LPIN1: variants seen among roughly 807,000 people sequenced by gnomAD.
The protein encoded by LPIN1 is phosphatidate phosphatase LPIN1.
In LPIN1, 71 loss-of-function variants were observed where a neutral mutation model predicts 107.5. The observed-to-expected ratio is 0.66, with a 90% CI of 0.55 to 0.80. The LOEUF (loss-of-function observed/expected upper bound fraction) is 0.80, where lower values mean the gene tolerates loss of function less well. Among genes scored for constraint, LPIN1 ranks in the 30% least tolerant of loss-of-function variants. LPIN1 has a pLI of 0.00. For missense variants in LPIN1, 1,043 were observed against 1,160.6 expected, an observed-to-expected ratio of 0.90 and a Z score of 1.47; for synonymous variants, 445 against 452.6, an observed-to-expected ratio of 0.98 and a Z score of 0.21.
At chr2:11,804,868 A>C (rs972840198) in intron 16 of LPIN1, among the ~76,000 whole-genome samples, 4 of 152,054 alleles carry the variant, frequency 2.6e-5, no homozygotes, top group African/African-American at 9.7e-5. Flanking sequence ...ACCTCGATGC[A>C]TGATCAGACT....
intron 2 of LPIN1, among the ~76,000 whole-genome samples, chr2:11,715,386 C>T (rs970809710): frequency 6.6e-6 from 1 of 152,176 alleles, no homozygotes; most frequent in Non-Finnish European, 1.5e-5. Flanking sequence ...GGACGGGAGG[C>T]GCCAAGCAGG....
rs377021900 is a variant in LPIN1, at chr2:11,804,455, C to T, written c.2046C>T (p.Asp682=). The change falls in exon 16 of 21, where the codon GAC becomes GAT. Residue 682 remains aspartate (D), a synonymous_variant. Coordinates refer to ENST00000674199, the MANE Select transcript of LPIN1 (RefSeq NM_001349206.2). The part of the protein sequence containing the change: ...KSLKLKNGPN[D]VVFSVTTQYQ... The stretch of plus-strand genomic sequence containing the variant: ...TGAAGTTGAAGAATGGCCCCAACGA[C>T]GTGGTTTTCAGTGTCACCACGCAGT... 3.8e-5 allele frequency: 62 copies of T among 1,614,074 alleles called. No homozygotes were observed. The highest frequency in any genetic ancestry group is 4.7e-5 in the Non-Finnish European group (55 of 1,180,044).
chr2:11,681,613 A>G (rs1661718806), intron 1 of LPIN1: 1 of 152,456 alleles, frequency 6.6e-6, no homozygotes, highest in South Asian at 2.1e-4. Flanking sequence ...GCAGTGCGAG[A>G]ACAGGCTAGT....
intron 17 of LPIN1, among the ~76,000 whole-genome samples, chr2:11,812,187 G>A: frequency 6.6e-6 from 1 of 152,198 alleles, no homozygotes; most frequent in Admixed American, 6.5e-5. Flanking sequence ...ATGTTGGATA[G>A]GAAGTGGGTA....
At chr2:11,734,059 T>C (rs1252669241) in intron 1 of LPIN1, among the ~76,000 whole-genome samples, 1 of 152,240 alleles carries the variant, frequency 6.6e-6, no homozygotes, top group Non-Finnish European at 1.5e-5. Flanking sequence ...TTGATGATTC[T>C]ACACAGGAAA....
Position 11,825,803 on chromosome 2 carries a change from T to C in LPIN1, c.*1012T>C, listed in dbSNP as rs1246472066. The C allele has an allele frequency of 6.6e-6, 1 of 152,248 alleles. No homozygotes were observed. The highest frequency in any genetic ancestry group is 1.5e-5 in the Non-Finnish European group (1 of 68,050). The allele number at this position is 152,248 out of a possible 1,614,324, so 9.4% of individuals were successfully genotyped here. A position where few individuals can be genotyped will look rare whatever the true frequency, so the allele number is the denominator to read the frequency against. The stretch of plus-strand genomic sequence containing the variant: ...TTTTAGATATTATGTATTGTTTTAC[T>C]CTGATTAGGTTACTGTGATAGGCAT... On this transcript the variant is annotated 3_prime_UTR_variant, in exon 21 of 21. Coordinates refer to ENST00000674199, the MANE Select transcript of LPIN1 (RefSeq NM_001349206.2). This position sits in a 1 kb window ranked among gnomAD's most constrained non-coding sequence, Gnocchi z 4.1.
At chr2:11,684,599 T>C (rs2148502203) in intron 1 of LPIN1, among the ~76,000 whole-genome samples, 1 of 152,264 alleles carries the variant, frequency 6.6e-6, no homozygotes, top group Non-Finnish European at 1.5e-5. Flanking sequence ...TGTTGTGGGG[T>C]AGATATGTTC....
At chr2:11,778,362 G>C (rs1673010954) in intron 6 of LPIN1, among the ~76,000 whole-genome samples, 1 of 152,206 alleles carries the variant, frequency 6.6e-6, no homozygotes, top group African/African-American at 2.4e-5. Context: ...TCTGCCCCTT[G>C]GTGTGAGATG....
At chr2:11,719,794 T>C (rs556001933), upstream of LPIN1, among the ~76,000 whole-genome samples, 5 of 150,182 alleles carry the variant, frequency 3.3e-5, no homozygotes, top group African/African-American at 1.2e-4. Flanking sequence ...ATTGCTTCTT[T>C]TTTTTTTTTT....
rs1045039197 is a variant in LPIN1, at chr2:11,774,885, G to C, written c.722+1140G>C. On this transcript the variant is annotated intron_variant, in intron 5 of 20. Coordinates refer to ENST00000674199, the MANE Select transcript of LPIN1 (RefSeq NM_001349206.2). This position sits in a 1 kb window ranked among gnomAD's most constrained non-coding sequence, Gnocchi z 4.4. The stretch of plus-strand genomic sequence containing the variant: ...TGCATGGAGGTCTTCCTGCGTCAGA[G>C]CCTAGCCCTGTTCAATAGAAACGTA... 4.0e-5 allele frequency among the ~76,000 whole-genome samples: 6 copies of C among 151,396 alleles called. No homozygotes were observed. Among genetic ancestry groups the C allele is most frequent in the Non-Finnish European group, 8.8e-5 (6 of 67,998 alleles).
rs2148699678 is a variant in LPIN1 at position 11,803,376 on chromosome 2, A to T, written c.2013+343A>T. ...CACTCAAGGGTGTTTTTGCTTCAAGAGAGAGATGTTTGTTAACTCAAATGC... is the reference window on the plus strand; with the variant it reads ...CACTCAAGGGTGTTTTTGCTTCAAGTGAGAGATGTTTGTTAACTCAAATGC... On this transcript the variant is annotated intron_variant, in intron 15 of 20. Coordinates refer to ENST00000674199, the MANE Select transcript of LPIN1 (RefSeq NM_001349206.2). This position sits in a 1 kb window ranked among gnomAD's most constrained non-coding sequence, Gnocchi z 4.2. Among the ~76,000 whole-genome samples, 1 of 152,258 alleles carries T rather than the reference A, an allele frequency of 6.6e-6. No homozygotes were observed. The highest frequency in any genetic ancestry group is 2.1e-4 in the South Asian group (1 of 4,816).
chr2:11,677,990 G>A (rs1661518348), intron 1 of LPIN1, among the ~76,000 whole-genome samples: 1 of 152,226 alleles, frequency 6.6e-6, no homozygotes, highest in African/African-American at 2.4e-5. Flanking sequence ...GCCTTGGATG[G>A]AAAATGCATA....
chr2:11,785,212 GAACTCA>G (rs1674342081), intron 10 of LPIN1, 136 bp downstream of exon 10: 2 of 659,582 alleles, frequency 3.0e-6, no homozygotes, highest in Admixed American at 6.0e-5. Flanking sequence ...TGATAGCACC[GAACTCA>G]TAATCCCGAT....
upstream of LPIN1, chr2:11,721,676 A>G (rs569655934): frequency 4.6e-5 from 7 of 152,362 alleles, no homozygotes; most frequent in African/African-American, 7.2e-5. Context: ...TCCTCTGGTG[A>G]CTTGGGTCAC....
intron 1 of LPIN1, among the ~76,000 whole-genome samples, chr2:11,735,635 G>A (rs1335215886): frequency 6.6e-6 from 1 of 152,200 alleles, no homozygotes; most frequent in Non-Finnish European, 1.5e-5. Flanking sequence ...GACGAATGAA[G>A]TCCTCAGAGT....
At chr2:11,798,905 G>A (rs756378596) in intron 14 of LPIN1, among the ~76,000 whole-genome samples, 7 of 152,150 alleles carry the variant, frequency 4.6e-5, no homozygotes, top group Admixed American at 1.3e-4. Flanking sequence ...TTTGAAAAAC[G>A]TACACTGACA....
At chr2:11,758,299 G>A (rs147491730) in intron 1 of LPIN1, among the ~76,000 whole-genome samples, 337 of 151,994 alleles carry the variant, frequency 2.2e-3, no homozygotes, top group African/African-American at 7.8e-3. Flanking sequence ...TGGAATGGCT[G>A]GATCATAAGC....
At position 11,825,041 on chromosome 2, in the gene LPIN1, TG is replaced by T; in HGVS notation, c.*252del. 1 of 546,156 alleles carries T rather than the reference TG, an allele frequency of 1.8e-6. No homozygotes were observed. Among genetic ancestry groups the T allele is most frequent in the Non-Finnish European group, 3.3e-6 (1 of 302,600 alleles). 33.8% of individuals were successfully genotyped at this position (546,156 alleles called of 1,614,324 possible). A position where few individuals can be genotyped will look rare whatever the true frequency, so the allele number is the denominator to read the frequency against. ...TACCGTGAAAAGCATTCCTCAGTTG[TG>T]GCTTAATGCCAGTTACGACGCTGCC... is the stretch of plus-strand genomic sequence containing the variant. On this transcript the variant is annotated 3_prime_UTR_variant, in exon 21 of 21. Coordinates refer to ENST00000674199, the MANE Select transcript of LPIN1 (RefSeq NM_001349206.2). This position sits in a 1 kb window ranked among gnomAD's most constrained non-coding sequence, Gnocchi z 4.1.
intron 8 of LPIN1, among the ~76,000 whole-genome samples, chr2:11,782,846 T>G (rs1253607938): frequency 2.0e-5 from 3 of 152,182 alleles, no homozygotes; most frequent in African/African-American, 7.2e-5. Flanking sequence ...CCTGGCCACC[T>G]CTCTCCTTGC....
Sources: gnomAD v4.1 joint callset for allele counts (sites outside exome capture counted in the v4.1 genomes callset) on GRCh38, gnomAD v4.1.1 for gene constraint, Gnocchi (gnomAD v3.1) non-coding constraint, MANE v1.5 for transcripts, NCBI Gene and HGNC (gene_info 2026-07-23, HGNC 2026-07-21) for gene names.